The following ILDR1 variants were observed in gnomAD, a reference collection of about 807,000 sequenced individuals.
ILDR1 encodes immunoglobulin-like domain-containing receptor 1.
Under a neutral mutation model 62.4 loss-of-function variants are expected in ILDR1, and 56 were observed. That is an observed-to-expected ratio of 0.90 (90% CI 0.72 to 1.12). The LOEUF (loss-of-function observed/expected upper bound fraction) is 1.12. Ranked by LOEUF, ILDR1 falls within the 50% of genes most tolerant of loss-of-function variation. The pLI, the probability that ILDR1 is intolerant of heterozygous loss-of-function variation, is 0.00. For synonymous variants in ILDR1, 284 were observed against 277.8 expected, an observed-to-expected ratio of 1.02 and a Z score of -0.22; for missense variants, 736 against 710.6, an observed-to-expected ratio of 1.04 and a Z score of -0.41.
chr3:122,027,616 A>T, the ILDR1 span, among the ~76,000 whole-genome samples: 1 of 152,240 alleles, frequency 6.6e-6, no homozygotes, highest in Non-Finnish European at 1.5e-5. Context: ...TCTAATAAGA[A>T]TCTGAAATTT....
the ILDR1 span, among the ~76,000 whole-genome samples, chr3:122,045,448 GCTGAGTTCAATTC>G: frequency 6.6e-6 from 1 of 152,186 alleles, no homozygotes; most frequent in Non-Finnish European, 1.5e-5. Context: ...TTGGTGCAGA[GCTGAGTTCAATTC>G]CTGGGTATCC....
chr3:122,025,169 T>G (rs1368490647), upstream of ILDR1: 2 of 152,234 alleles, frequency 1.3e-5, no homozygotes, highest in African/African-American at 2.4e-5. Context: ...CACATTGTCT[T>G]AGGCACTATT....
the ILDR1 span, among the ~76,000 whole-genome samples, chr3:122,056,297 G>T: frequency 6.6e-6 from 1 of 152,074 alleles, no homozygotes; most frequent in Admixed American, 6.6e-5. Context: ...CTTCTCTTGG[G>T]TGGTGGCAGC....
chr3:121,993,630 G>A lies in ILDR1; in HGVS notation c.1119C>T (p.Tyr373=). The A allele has an allele frequency of 6.2e-7, 1 of 1,614,212 alleles. No homozygotes were observed. The change falls in exon 7 of 8, where the codon TAC becomes TAT. Residue 373 remains tyrosine, a synonymous_variant. Coordinates refer to ENST00000344209, the MANE Select transcript of ILDR1 (RefSeq NM_001199799.2). ...CCTGGAGCTCCTGGTGGAAATCAGGGTAATGGTGGTGGCTTCTCCCCTCCC... is the reference window on the plus strand; with the variant it reads ...CCTGGAGCTCCTGGTGGAAATCAGGATAATGGTGGTGGCTTCTCCCCTCCC... ...DLREGRSHHH[Y]PDFHQELQDR...
At chr3:122,013,666 C>G (rs772922428) in intron 1 of ILDR1, among the ~76,000 whole-genome samples, 1 of 151,914 alleles carries the variant, frequency 6.6e-6, no homozygotes, top group Non-Finnish European at 1.5e-5. Context: ...CAAGAAGTGA[C>G]TAGCTATGGA....
chr3:121,988,540 T>G, intron 7 of ILDR1, 132 bp from the exon 8 acceptor site: 2 of 731,700 alleles, frequency 2.7e-6, no homozygotes, highest in Non-Finnish European at 4.9e-6. Context: ...GATCTGAACC[T>G]AAAAAGTATT....
the ILDR1 span, among the ~76,000 whole-genome samples, chr3:122,028,930 G>A: frequency 6.6e-6 from 1 of 152,168 alleles, no homozygotes; most frequent in African/African-American, 2.4e-5. Flanking sequence ...TTGGACACAG[G>A]TACCTGTGCA....
intron 1 of ILDR1, 32 bp from the exon 2 acceptor site, chr3:122,007,193 G>A (rs1299326632): frequency 1.2e-6 from 2 of 1,613,928 alleles, no homozygotes; most frequent in African/African-American, 2.7e-5. Context: ...AATGCTGAAG[G>A]TGACCTACTC....
chr3:121,995,509 C>G (rs1201225675), intron 5 of ILDR1, among the ~76,000 whole-genome samples: 1 of 152,196 alleles, frequency 6.6e-6, no homozygotes, highest in African/African-American at 2.4e-5. Flanking sequence ...TCCAGCACAA[C>G]AGGAAGTGGT....
intron 1 of ILDR1, among the ~76,000 whole-genome samples, chr3:122,011,763 G>A (rs1292552949): frequency 6.6e-6 from 1 of 150,930 alleles, no homozygotes; most frequent in Non-Finnish European, 1.5e-5. Flanking sequence ...CTCAGTTGTT[G>A]CTGTGGGTCC....
At chr3:122,026,802 AC>A (rs2071924811), upstream of ILDR1, among the ~76,000 whole-genome samples, 1 of 152,216 alleles carries the variant, frequency 6.6e-6, no homozygotes, top group Non-Finnish European at 1.5e-5. Flanking sequence ...CTCCTATTTA[AC>A]ATTATACTGG....
chr3:122,017,557 A>G lies in ILDR1; in HGVS notation c.58+4463T>C, dbSNP rs145287950. Among the ~76,000 whole-genome samples, 391 of 152,340 alleles carry G rather than the reference A, an allele frequency of 2.6e-3. 1 individual carries two copies. The highest frequency in any genetic ancestry group is 9.1e-3 in the African/African-American group (380 of 41,584). On this transcript the variant is annotated intron_variant, in intron 1 of 7. Coordinates refer to ENST00000344209, the MANE Select transcript of ILDR1 (RefSeq NM_001199799.2). ...AGCAGACACCTGTTTCTATTTCTGT[A>G]TACTAGAATTCAATTAAACAAGACA... is the stretch of plus-strand genomic sequence containing the variant.
At chr3:122,040,757 T>G in the ILDR1 span, among the ~76,000 whole-genome samples, 1 of 145,184 alleles carries the variant, frequency 6.9e-6, no homozygotes, top group Non-Finnish European at 1.5e-5. Context: ...AAACAAGAAT[T>G]AGCTCAAAAT....
chr3:121,996,969 C>G (rs183583827), intron 5 of ILDR1, among the ~76,000 whole-genome samples: 221 of 152,298 alleles, frequency 1.5e-3, no homozygotes, highest in Non-Finnish European at 2.8e-3. Flanking sequence ...GGCACGATCT[C>G]GGCTCACTGC....
the ILDR1 span, among the ~76,000 whole-genome samples, chr3:122,049,323 T>C: frequency 6.6e-6 from 1 of 152,242 alleles, no homozygotes; most frequent in Non-Finnish European, 1.5e-5. Context: ...ATGTTCTGTG[T>C]GTTCTTGGGA....
chr3:122,019,904 T>C (rs911408099), intron 1 of ILDR1, among the ~76,000 whole-genome samples: 2 of 152,190 alleles, frequency 1.3e-5, no homozygotes, highest in Admixed American at 6.5e-5. Flanking sequence ...CAGCGTGTCA[T>C]TGACACTGTG....
intron 1 of ILDR1, among the ~76,000 whole-genome samples, chr3:122,016,621 G>C (rs573012939): frequency 1.3e-5 from 2 of 152,324 alleles, no homozygotes; most frequent in African/African-American, 4.8e-5. Flanking sequence ...GGGGGACAAG[G>C]CTTCCCAAAG....
At chr3:122,045,747 A>C in the ILDR1 span, among the ~76,000 whole-genome samples, 25,668 of 137,510 alleles carry the variant, frequency 0.19, 2,914 homozygotes, top group African/African-American at 0.28. Context: ...CAACCCCTGC[A>C]TTTTTTTGTT....
the ILDR1 span, among the ~76,000 whole-genome samples, chr3:122,038,207 C>G: frequency 6.6e-6 from 1 of 152,184 alleles, no homozygotes; most frequent in Admixed American, 6.5e-5. Flanking sequence ...CATAACCACT[C>G]TAATAAACCA....
Sources: gnomAD v4.1 joint callset for allele counts (sites outside exome capture counted in the v4.1 genomes callset) on GRCh38, gnomAD v4.1.1 for gene constraint, MANE v1.5 for transcripts, NCBI Gene and HGNC (gene_info 2026-07-23, HGNC 2026-07-21) for gene names.